Variants in ALDH1L1 observed in about 807,000 individuals in gnomAD.
ALDH1L1 encodes cytosolic 10-formyltetrahydrofolate dehydrogenase.
A neutral mutation model predicts 101.1 loss-of-function variants in ALDH1L1; 68 were observed. The ratio of observed to expected loss-of-function variants is 0.67; its 90% confidence interval spans 0.55 to 0.82. The LOEUF (loss-of-function observed/expected upper bound fraction) is 0.82. ALDH1L1 is among the 40% of genes least tolerant of loss of function. The pLI is 0.00. For missense variants in ALDH1L1, 1,087 were observed against 1,172.7 expected, an observed-to-expected ratio of 0.93 and a Z score of 1.07; for synonymous variants, 486 against 470.8, an observed-to-expected ratio of 1.03 and a Z score of -0.42.
intron 1 of ALDH1L1, among the ~76,000 whole-genome samples, chr3:126,169,734 A>G (rs2081237560): frequency 6.6e-6 from 1 of 152,232 alleles, no homozygotes; most frequent in South Asian, 2.1e-4. Context: ...AGTTCCATCA[A>G]AGCTGATTTA....
At chr3:126,169,328 A>G (rs1576489603) in intron 1 of ALDH1L1, among the ~76,000 whole-genome samples, 1 of 152,300 alleles carries the variant, frequency 6.6e-6, no homozygotes, top group East Asian at 1.9e-4. Flanking sequence ...CTAGAATTTA[A>G]AAACTAGTTA....
chr3:126,145,162 C>T (rs1396179732), intron 9 of ALDH1L1, among the ~76,000 whole-genome samples: 1 of 151,548 alleles, frequency 6.6e-6, no homozygotes, highest in East Asian at 1.9e-4. Context: ...GGTTATTGTT[C>T]AAAAGGAAAG....
intron 13 of ALDH1L1, 86 bp from the exon 14 acceptor site, chr3:126,130,379 A>C: frequency 7.8e-7 from 1 of 1,283,518 alleles, no homozygotes; most frequent in Non-Finnish European, 1.0e-6. Context: ...CAGGGTCTCC[A>C]GGAGGAAGTC....
Position 126,114,552 on chromosome 3 carries a change from C to T in ALDH1L1, c.2082+5G>A. ...GTCCCTGCCCCCTCCAGGCCCGGCCCTCACCATCTGCACAGCCTTGTTGAG... is the reference window on the plus strand; with the variant it reads ...GTCCCTGCCCCCTCCAGGCCCGGCCTTCACCATCTGCACAGCCTTGTTGAG... On this transcript the variant is annotated splice_donor_5th_base_variant and intron_variant, in intron 18 of 22. Transcript: ENST00000393434. 2 of 1,493,676 alleles carry T rather than the reference C, an allele frequency of 1.3e-6. No homozygotes were observed. The highest frequency in any genetic ancestry group is 2.3e-5 in the East Asian group (1 of 42,960). 92.5% of individuals were successfully genotyped at this position (1,493,676 alleles called of 1,614,324 possible).
At chr3:126,151,358 G>A (rs1338356460) in intron 7 of ALDH1L1, 1 of 152,224 alleles carries the variant, frequency 6.6e-6, no homozygotes, top group Non-Finnish European at 1.5e-5. Context: ...TGCAGCTTCA[G>A]GATAGCACTT....
intron 20 of ALDH1L1, among the ~76,000 whole-genome samples, chr3:126,109,544 G>A (rs1946006671): frequency 1.3e-5 from 2 of 152,134 alleles, no homozygotes; most frequent in African/African-American, 4.8e-5. Context: ...CATGAGAGGT[G>A]TTCCAAGCTA....
At chr3:126,180,764 C>T (rs983623324), upstream of ALDH1L1, 11 of 1,453,218 alleles carry the variant, frequency 7.6e-6, no homozygotes, top group African/African-American at 1.1e-4. Context: ...CCCGCAGGGG[C>T]CTGCGCTCTT....
intron 13 of ALDH1L1, 129 bp downstream of exon 13, chr3:126,131,255 T>G: frequency 1.7e-6 from 2 of 1,187,976 alleles, no homozygotes; most frequent in Non-Finnish European, 2.3e-6. Flanking sequence ...AATAAACAGG[T>G]GTCATTCCAA....
intron 12 of ALDH1L1, among the ~76,000 whole-genome samples, chr3:126,132,263 A>C (rs2080326987): frequency 6.6e-6 from 1 of 152,210 alleles, no homozygotes; most frequent in South Asian, 2.1e-4. Context: ...GCTCGGGCCC[A>C]GAGGCAAGTG....
At chr3:126,121,942 C>T (rs2080087586) in intron 16 of ALDH1L1, among the ~76,000 whole-genome samples, 1 of 152,210 alleles carries the variant, frequency 6.6e-6, no homozygotes, top group Non-Finnish European at 1.5e-5. Context: ...GGGGCCCTTT[C>T]CTCCACCCAG....
At chr3:126,163,151 T>C (rs1184075337) in intron 1 of ALDH1L1, among the ~76,000 whole-genome samples, 1 of 152,256 alleles carries the variant, frequency 6.6e-6, no homozygotes, top group Non-Finnish European at 1.5e-5. Flanking sequence ...TGAATCATGA[T>C]GTTAAACATC....
intron 1 of ALDH1L1, among the ~76,000 whole-genome samples, chr3:126,168,144 A>C (rs1472750289): frequency 6.6e-6 from 1 of 152,190 alleles, no homozygotes; most frequent in African/African-American, 2.4e-5. Context: ...GGTTTAGGCA[A>C]ATTGTAAAAA....
chr3:126,124,861 A>T (rs756303169), intron 15 of ALDH1L1, among the ~76,000 whole-genome samples: 1 of 152,228 alleles, frequency 6.6e-6, no homozygotes, highest in East Asian at 1.9e-4. Context: ...GGCATGCCTG[A>T]CTCAGGGTAA....
intron 9 of ALDH1L1, among the ~76,000 whole-genome samples, chr3:126,145,697 T>C (rs924733299): frequency 6.6e-6 from 1 of 152,186 alleles, no homozygotes; most frequent in African/African-American, 2.4e-5. Flanking sequence ...GGAGTGGCTG[T>C]TCAACGGACA....
chr3:126,131,037 C>T (rs765799156), intron 13 of ALDH1L1, among the ~76,000 whole-genome samples: 27 of 152,348 alleles, frequency 1.8e-4, no homozygotes, highest in Non-Finnish European at 3.5e-4. Flanking sequence ...TGAGCAGGGA[C>T]CTGCAGCCAG....
chr3:126,153,035 G>A (rs1213831688), intron 7 of ALDH1L1: 9 of 306,810 alleles, frequency 2.9e-5, no homozygotes, highest in Admixed American at 1.8e-4. Context: ...CCATGGCATC[G>A]CCGTTCAAAG....
chr3:126,130,251 G>C lies in ALDH1L1; in HGVS notation c.1666C>G (p.Leu556Val). The C allele has an allele frequency of 6.2e-7, 1 of 1,610,594 alleles. No homozygotes were observed. The highest frequency in any genetic ancestry group is 8.5e-7 in the Non-Finnish European group (1 of 1,178,320). The stretch of plus-strand genomic sequence containing the variant: ...ACAGGCTCCTTCCTGGTCAAGGTCA[G>C]GTTGCGGTTGGGTCTGGCCTGGTTG... ...PINQARPNRN[L>V]TLTRKEPVGV... Residue 556 changes from leucine to valine, a missense_variant, in exon 14 of 23, where the codon CTG (leucine) becomes GTG (valine). By Grantham distance (32) the Leu-to-Val change is conservative. Around this residue, in one of 2 missense-constraint regions of ALDH1L1, gnomAD observed 442 missense variants for 535.7 expected, o/e 0.83. Transcript: ENST00000393434.
intron 8 of ALDH1L1, among the ~76,000 whole-genome samples, chr3:126,149,306 C>A (rs1009945420): frequency 2.0e-5 from 3 of 152,236 alleles, no homozygotes; most frequent in Admixed American, 2.0e-4. Flanking sequence ...CTCTACCAAT[C>A]CTCCATTGAG....
intron 1 of ALDH1L1, among the ~76,000 whole-genome samples, chr3:126,188,848 C>T (rs572645204): frequency 1.8e-4 from 28 of 152,302 alleles, no homozygotes; most frequent in Middle Eastern, 3.4e-3. Context: ...ATGCCCCTTA[C>T]CCAGGGTCCC....
Sources: gnomAD v4.1 joint callset for allele counts (sites outside exome capture counted in the v4.1 genomes callset) on GRCh38, gnomAD v4.1.1 for gene constraint, gnomAD v4.1.1 regional missense constraint, MANE v1.5 for transcripts, NCBI Gene and HGNC (gene_info 2026-07-23, HGNC 2026-07-21) for gene names.